The following FMO5 variants were observed in gnomAD, a reference collection of about 807,000 sequenced individuals.
FMO5 encodes the protein flavin containing dimethylaniline monoxygenase 5.
Under a neutral mutation model 43.6 loss-of-function variants are expected in FMO5, and 51 were observed. That is an observed-to-expected ratio of 1.17 (90% confidence interval 0.93 to 1.48). The LOEUF (loss-of-function observed/expected upper bound fraction) is 1.48. Among genes scored for constraint, FMO5 ranks in the 40% most tolerant of loss-of-function variants. The pLI is 0.00. For synonymous variants in FMO5, 187 were observed against 216.5 expected, an observed-to-expected ratio of 0.86 and a Z score of 1.20; for missense variants, 644 against 643.0, an observed-to-expected ratio of 1.00 and a Z score of -0.02.
rs1655809577 is a variant in FMO5, at chr1:147,187,378, A to C, written c.1257-133T>G. 4.6e-6 allele frequency: 3 copies of C among 648,688 alleles called. No homozygotes were observed. In the South Asian group the frequency reaches 6.2e-5, roughly 13 times the overall value. The allele number at this position is 648,688 out of a possible 1,614,324, so 40.2% of individuals were successfully genotyped here. A position where few individuals can be genotyped will look rare whatever the true frequency, so the allele number is the denominator to read the frequency against. ...TGTGGAATATAGAGAAGAAAGATAA[A>C]ACATTGGTCACTGTCCTTAAGGATC... On this transcript the variant is annotated intron_variant, in intron 8 of 8. Coordinates refer to ENST00000254090, the MANE Select transcript of FMO5 (RefSeq NM_001461.4).
In FMO5 at chr1:147,213,434, C is replaced by T; in HGVS notation, c.361G>A (p.Ala121Thr). The T allele has an allele frequency of 1.4e-5, 22 of 1,611,874 alleles. No homozygotes were observed. The highest frequency in any genetic ancestry group is 1.9e-5 in the Non-Finnish European group (22 of 1,178,882). ...VCSVKKQPDF[A>T]TSGQWEVVTE... ...ACCACTTCCCATTGGCCTGAAGTGGCAAAATCAGGCTGCTTCTTCACACTG... is the reference window on the plus strand; with the variant it reads ...ACCACTTCCCATTGGCCTGAAGTGGTAAAATCAGGCTGCTTCTTCACACTG... The change falls in exon 4 of 9, where the codon GCC (alanine) becomes ACC (threonine). Residue 121 changes from alanine (A) to threonine (T), a missense_variant. Ala to Thr is a moderately conservative substitution (Grantham distance 58, BLOSUM62 0). Transcript: ENST00000254090.
At chr1:147,208,766 G>T in intron 6 of FMO5, 86 bp downstream of exon 6, 1 of 1,087,906 alleles carries the variant, frequency 9.2e-7, no homozygotes, top group Non-Finnish European at 1.4e-6. Context: ...TGTATGGGTA[G>T]AGGTGGCTTT....
At chr1:147,204,877 G>T (rs952255307) in intron 6 of FMO5, 1 of 1,590,872 alleles carries the variant, frequency 6.3e-7, no homozygotes, top group Non-Finnish European at 8.6e-7. Flanking sequence ...AAAGTGTTTC[G>T]CTCCCTCCTT....
chr1:147,215,797 A>C lies in FMO5; in HGVS notation c.281T>G (p.Met94Arg). The change falls in exon 3 of 9, where the codon ATG becomes AGG. Residue 94 changes from methionine to arginine, a missense_variant. Transcript: ENST00000254090. ...HNAQVLEYFRMYAKEFDLLKY... is the reference protein window; with the variant it reads ...HNAQVLEYFRRYAKEFDLLKY... Reference sequence around the variant, plus strand: ...TAGAAGGTCAAATTCTTTGGCATACATCCTGAAATACTCCAGGACCTGGGC... The same window carrying C: ...TAGAAGGTCAAATTCTTTGGCATACCTCCTGAAATACTCCAGGACCTGGGC... 1 of 1,612,868 alleles carries C rather than the reference A, an allele frequency of 6.2e-7. No individual in the cohort carries two copies. Among genetic ancestry groups the C allele is most frequent in the Non-Finnish European group, 8.5e-7 (1 of 1,179,592 alleles).
chr1:147,194,868 G>T (rs587695438), intron 7 of FMO5, among the ~76,000 whole-genome samples: 28 of 152,050 alleles, frequency 1.8e-4, no homozygotes, highest in Non-Finnish European at 2.9e-5. Context: ...AGTTACTGCC[G>T]AGAGATCTGC....
chr1:147,208,885 T>A lies in FMO5; in HGVS notation c.797A>T (p.Asp266Val). 6.2e-7 allele frequency: 1 copy of A among 1,614,148 alleles called. No homozygotes were observed. The highest frequency in any genetic ancestry group is 8.5e-7 in the Non-Finnish European group (1 of 1,179,978). Residue 266 changes from aspartate (D) to valine (V), a missense_variant, in exon 6 of 9, where the codon GAC becomes GTC. By Grantham distance (152) the Asp-to-Val change is radical. Transcript: ENST00000254090. ...YLEKKINQRF[D>V]HEMFGLKPKH... Reference sequence around the variant, plus strand: ...AGGCTTCAGGCCAAACATTTCATGGTCAAACCTTTGGTTTATCTTTTTTTC... The same window carrying A: ...AGGCTTCAGGCCAAACATTTCATGGACAAACCTTTGGTTTATCTTTTTTTC...
chr1:147,201,612 C>T lies in FMO5; in HGVS notation c.831-108G>A. ...GGTAAACAGGATGCCAATAATCTTC[C>T]CCTTGGTCTATGCATGAAGTTTGGA... On this transcript the variant is annotated intron_variant, in intron 6 of 8. Coordinates refer to ENST00000254090, the MANE Select transcript of FMO5 (RefSeq NM_001461.4). The T allele has an allele frequency of 2.0e-5, 15 of 757,026 alleles. 2 individuals are homozygous for T. In the South Asian group the frequency reaches 2.6e-4, roughly 13 times the overall value. 46.9% of individuals were successfully genotyped at this position (757,026 alleles called of 1,614,324 possible).
intron 7 of FMO5, among the ~76,000 whole-genome samples, chr1:147,198,677 C>T (rs1219985062): frequency 2.6e-5 from 4 of 151,562 alleles, no homozygotes; most frequent in Admixed American, 1.3e-4. Flanking sequence ...GGTGAAACCC[C>T]GTCTGTATTA....
At chr1:147,201,016 A>G in intron 7 of FMO5, 136 bp downstream of exon 7, 1 of 672,596 alleles carries the variant, frequency 1.5e-6, no homozygotes, top group Non-Finnish European at 2.5e-6. Context: ...ACTCAAAAAT[A>G]TATTTTTCTG....
At chr1:147,191,725 A>G (rs1310729677) in intron 7 of FMO5, among the ~76,000 whole-genome samples, 1 of 151,916 alleles carries the variant, frequency 6.6e-6, no homozygotes, top group Non-Finnish European at 1.5e-5. Context: ...AGCTTTCTAC[A>G]TATGGCTAGC....
At chr1:147,185,768 CACTT>C (rs1553916882), downstream of FMO5, among the ~76,000 whole-genome samples, 3 of 152,184 alleles carry the variant, frequency 2.0e-5, no homozygotes, top group African/African-American at 7.2e-5. Flanking sequence ...TGACAGCTGA[CACTT>C]AGTTAATTTC....
rs782058937 is a variant in FMO5, at chr1:147,201,260, G to A, written c.1075C>T (p.Pro359Ser). 2.9e-5 allele frequency: 47 copies of A among 1,614,062 alleles called. No homozygotes were observed. Among genetic ancestry groups the A allele is most frequent in the Non-Finnish European group, 3.8e-5 (45 of 1,180,032 alleles). The change falls in exon 7 of 9, where the codon CCT (proline) becomes TCT (serine). Residue 359 changes from proline to serine, a missense_variant. Coordinates refer to ENST00000254090, the MANE Select transcript of FMO5 (RefSeq NM_001461.4). ...KISLYKKVFP[P>S]NLERPTLAII... ...GCAAGAGTTGGCCTTTCCAGGTTAG[G>A]AGGGAAGACCTTTTTATACAGGGAT...
At chr1:147,204,692 G>A (rs1458953808) in intron 6 of FMO5, 2 of 1,557,754 alleles carry the variant, frequency 1.3e-6, no homozygotes, top group African/African-American at 1.4e-5. Flanking sequence ...TTTGCAGCAG[G>A]ATGCTGTACT....
intron 5 of FMO5, among the ~76,000 whole-genome samples, chr1:147,212,027 T>G (rs989170775): frequency 2.6e-5 from 4 of 152,206 alleles, no homozygotes; most frequent in Non-Finnish European, 5.9e-5. Flanking sequence ...TGCTGGCCAA[T>G]TGAAGATCCT....
intron 6 of FMO5, among the ~76,000 whole-genome samples, chr1:147,201,893 A>AGGCTC (rs1468214650): frequency 7.9e-5 from 12 of 152,198 alleles, no homozygotes; most frequent in Non-Finnish European, 1.6e-4. Context: ...CCAGTTTCAA[A>AGGCTC]GGCTCAAGAG....
chr1:147,222,855 C>T (rs1663292218), intron 2 of FMO5, among the ~76,000 whole-genome samples: 1 of 152,184 alleles, frequency 6.6e-6, no homozygotes, highest in Non-Finnish European at 1.5e-5. Flanking sequence ...GCCCTCCCAA[C>T]CTCCTCCCAT....
intron 7 of FMO5, among the ~76,000 whole-genome samples, chr1:147,194,318 T>C (rs1657518748): frequency 6.6e-6 from 1 of 152,168 alleles, no homozygotes; most frequent in Non-Finnish European, 1.5e-5. Context: ...TATCAGAGAC[T>C]AGGATTGCAA....
intron 7 of FMO5, among the ~76,000 whole-genome samples, chr1:147,190,860 A>G (rs1391078273): frequency 6.6e-6 from 1 of 151,316 alleles, no homozygotes; most frequent in Non-Finnish European, 1.5e-5. Flanking sequence ...CAGTCCCTGG[A>G]GTGTGATGTT....
intron 7 of FMO5, among the ~76,000 whole-genome samples, chr1:147,191,231 C>T (rs146793441): frequency 0.037 from 5,599 of 152,028 alleles, 156 homozygotes; most frequent in South Asian, 0.095. Flanking sequence ...ATGGTACTTC[C>T]AGTTCTAGAT....
Sources: allele counts gnomAD v4.1 joint callset (sites outside exome capture counted in the v4.1 genomes callset), GRCh38; gene constraint gnomAD v4.1.1; transcripts MANE v1.5; gene names NCBI Gene and HGNC (gene_info 2026-07-23, HGNC 2026-07-21).